Variants in AAK1 observed in about 807,000 individuals in gnomAD.
AAK1 encodes the protein AP2 associated kinase 1, also known as AP2-associated protein kinase 1.
A neutral mutation model predicts 116.0 loss-of-function variants in AAK1; 37 were observed. The ratio of observed to expected loss-of-function variants is 0.32; its 90% CI spans 0.25 to 0.42. The LOEUF is 0.42. Ranked by LOEUF, AAK1 falls within the 10% of genes least tolerant of loss-of-function variation. The probability of loss-of-function intolerance (pLI) is 1.00; values close to 1 mark genes in which losing one functional copy is unlikely to be tolerated. For synonymous variants in AAK1, 458 were observed against 439.9 expected, an observed-to-expected ratio of 1.04 and a Z score of -0.51; for missense variants, 919 against 1,170.6, an observed-to-expected ratio of 0.79 and a Z score of 3.14.
intron 21 of AAK1, among the ~76,000 whole-genome samples, chr2:69,476,186 C>T (rs574747087): frequency 8.7e-4 from 132 of 152,278 alleles, no homozygotes; most frequent in Middle Eastern, 3.4e-3. Flanking sequence ...AAAGCTCAGG[C>T]ACTCTGTGCA....
chr2:69,631,528 TA>T (rs2105259030), intron 2 of AAK1, among the ~76,000 whole-genome samples: 2 of 152,350 alleles, frequency 1.3e-5, no homozygotes, highest in South Asian at 4.1e-4. Context: ...CTGCCAAGGT[TA>T]ACACAGAGCC....
In AAK1 at chr2:69,497,295, C is replaced by CTTTTTTT. The variant is rs1176401016; in HGVS notation, c.2270-1222_2270-1216dup. ...CCACATGCAGCTTTACATTATCATT[C>CTTTTTTT]TTTTTTTTTTTTTTTTTTTTTTTTT... On this transcript the variant is annotated intron_variant, in intron 16 of 21. Coordinates refer to ENST00000409085, the MANE Select transcript of AAK1 (RefSeq NM_014911.5). Among the ~76,000 whole-genome samples the CTTTTTTT allele has an allele frequency of 1.5e-3, 113 of 76,078 alleles. 2 individuals are homozygous for CTTTTTTT. The highest frequency in any genetic ancestry group is 2.7e-3 in the African/African-American group (42 of 15,572). The allele number at this position is 76,078 out of a possible 152,430, so 49.9% of individuals were successfully genotyped here.
At chr2:69,480,260 C>CA (rs761196037) in intron 19 of AAK1, among the ~76,000 whole-genome samples, 3,148 of 67,988 alleles carry the variant, frequency 0.046, 62 homozygotes, top group African/African-American at 0.1. Context: ...GAATTATGGA[C>CA]AAAAAAAAAA....
chr2:69,578,572 C>T (rs1672409676), intron 2 of AAK1, among the ~76,000 whole-genome samples: 1 of 152,138 alleles, frequency 6.6e-6, no homozygotes, highest in Non-Finnish European at 1.5e-5. Context: ...TTCCACCACC[C>T]CAATCTACCA....
At chr2:69,489,127 C>A (rs957616565) in intron 17 of AAK1, among the ~76,000 whole-genome samples, 1 of 150,910 alleles carries the variant, frequency 6.6e-6, no homozygotes, top group Non-Finnish European at 1.5e-5. Context: ...ATTACAGGAG[C>A]GAGCCACCAT....
Position 69,473,672 on chromosome 2 carries a change from C to T in AAK1, c.*2197G>A. 3 of 968,240 alleles carry T rather than the reference C, an allele frequency of 3.1e-6. No individual in the cohort carries two copies. The highest frequency in any genetic ancestry group is 3.7e-6 in the Non-Finnish European group (3 of 814,098). The allele number at this position is 968,240 out of a possible 1,614,324, so 60.0% of individuals were successfully genotyped here. ...AGAGATACCTAATTTCTAAACTGTA[C>T]TCTTCATAGTTTCAATTAAATTGAG... On this transcript the variant is annotated 3_prime_UTR_variant, in exon 22 of 22. Coordinates refer to ENST00000409085, the MANE Select transcript of AAK1 (RefSeq NM_014911.5).
intron 5 of AAK1, 136 bp downstream of exon 5, chr2:69,542,387 C>T: frequency 9.0e-7 from 1 of 1,107,906 alleles, no homozygotes; most frequent in Non-Finnish European, 1.3e-6. Context: ...TATTTTCTCT[C>T]CTCAGGCAGA....
At chr2:69,624,561 G>C (rs1011280428) in intron 2 of AAK1, among the ~76,000 whole-genome samples, 11 of 152,086 alleles carry the variant, frequency 7.2e-5, no homozygotes, top group Admixed American at 7.2e-4. Flanking sequence ...ATTTTTGTCT[G>C]GCTTTATCTT....
At chr2:69,591,262 T>C (rs1187548928) in intron 2 of AAK1, among the ~76,000 whole-genome samples, 1 of 152,116 alleles carries the variant, frequency 6.6e-6, no homozygotes, top group African/African-American at 2.4e-5. Flanking sequence ...GCACCCAGGC[T>C]CTACAGGAGC....
intron 2 of AAK1, among the ~76,000 whole-genome samples, chr2:69,641,090 G>C (rs978184531): frequency 3.9e-5 from 6 of 152,192 alleles, no homozygotes; most frequent in African/African-American, 1.4e-4. Flanking sequence ...TCCCAGAGAA[G>C]AGGAAGGCAG....
At chr2:69,581,583 C>G (rs1232718412) in intron 2 of AAK1, among the ~76,000 whole-genome samples, 1 of 152,098 alleles carries the variant, frequency 6.6e-6, no homozygotes, top group Non-Finnish European at 1.5e-5. Flanking sequence ...TGCAGAGCAA[C>G]GTTTTAATTC....
At chr2:69,577,830 G>A (rs1672375845) in intron 2 of AAK1, among the ~76,000 whole-genome samples, 2 of 151,990 alleles carry the variant, frequency 1.3e-5, no homozygotes, top group Admixed American at 6.6e-5. Flanking sequence ...TTCCCATGGG[G>A]GCTAGCGCTG....
chr2:69,544,415 G>A, intron 4 of AAK1, 21 bp downstream of exon 4: 1 of 1,559,458 alleles, frequency 6.4e-7, no homozygotes, highest in Non-Finnish European at 8.8e-7. Context: ...GACAGCTTAA[G>A]GGAATGGTTC....
At chr2:69,608,176 A>C (rs938693851) in intron 2 of AAK1, among the ~76,000 whole-genome samples, 2 of 152,196 alleles carry the variant, frequency 1.3e-5, no homozygotes, top group Non-Finnish European at 2.9e-5. Context: ...GCAGGACACA[A>C]AAGAAGGCTA....
At chr2:69,565,697 G>A (rs530900870) in intron 2 of AAK1, among the ~76,000 whole-genome samples, 4 of 152,368 alleles carry the variant, frequency 2.6e-5, no homozygotes, top group Non-Finnish European at 4.4e-5. Flanking sequence ...AGCTGATCAG[G>A]TGGGAGAGTG....
intron 20 of AAK1, chr2:69,478,340 A>G (rs1674928744): frequency 6.6e-6 from 1 of 152,338 alleles, no homozygotes; most frequent in South Asian, 2.1e-4. Context: ...TAGCTCTTAA[A>G]GGTAACATGG....
intron 2 of AAK1, among the ~76,000 whole-genome samples, chr2:69,638,296 C>A (rs1275115066): frequency 3.3e-5 from 5 of 152,212 alleles, no homozygotes; most frequent in Non-Finnish European, 7.3e-5. Context: ...TTCAATATCT[C>A]CCCTGTTCAT....
At chr2:69,501,158 T>C (rs1008490665) in intron 16 of AAK1, among the ~76,000 whole-genome samples, 4 of 152,226 alleles carry the variant, frequency 2.6e-5, no homozygotes, top group Non-Finnish European at 5.9e-5. Context: ...ACATTTGATA[T>C]GTTTGGTCAA....
At chr2:69,567,435 C>A (rs76559802) in intron 2 of AAK1, among the ~76,000 whole-genome samples, 3,524 of 152,274 alleles carry the variant, frequency 0.023, 136 homozygotes, top group African/African-American at 0.082. Flanking sequence ...CTAAACTGCA[C>A]AAGGGCAGGG....
Sources: gnomAD v4.1 joint callset for allele counts (sites outside exome capture counted in the v4.1 genomes callset) on GRCh38, gnomAD v4.1.1 for gene constraint, MANE v1.5 for transcripts, NCBI Gene and HGNC (gene_info 2026-07-23, HGNC 2026-07-21) for gene names.